Variants in TMEM203 observed in about 807,000 individuals in gnomAD.
TMEM203 encodes the protein HBeAg-binding protein 1.
In TMEM203, 4 loss-of-function variants were observed where a neutral mutation model predicts 7.9. That is an observed-to-expected ratio of 0.51 (90% confidence interval 0.25 to 1.16). The LOEUF is 1.16. Among genes scored for constraint, TMEM203 ranks in the 50% most tolerant of loss-of-function variants. TMEM203 has a pLI of 0.15. For synonymous variants in TMEM203, 92 were observed against 82.5 expected, an observed-to-expected ratio of 1.11 and a Z score of -0.62; for missense variants, 127 against 174.4, an observed-to-expected ratio of 0.73 and a Z score of 1.53.
Position 137,205,512 on chromosome 9 carries a change from C to A in TMEM203, c.-98G>T. The A allele has an allele frequency of 7.7e-7, 1 of 1,290,800 alleles. No individual in the cohort carries two copies. Among genetic ancestry groups the A allele is most frequent in the Non-Finnish European group, 1.0e-6 (1 of 1,004,620 alleles). 80.0% of individuals were successfully genotyped at this position (1,290,800 alleles called of 1,614,324 possible). A position where few individuals can be genotyped will look rare whatever the true frequency, so the allele number is the denominator to read the frequency against. ...CCCTCGCCCGCGCCTGCCGCCGCTG[C>A]TGCGAGCGAGAGGCAGCGAGCGGCC... On this transcript the variant is annotated 5_prime_UTR_variant, in exon 1 of 1. Coordinates refer to ENST00000343666, the MANE Select transcript of TMEM203 (RefSeq NM_053045.2).
Position 137,205,490 on chromosome 9 carries a change from TCGCCCG to T in TMEM203, c.-82_-77del. On this transcript the variant is annotated 5_prime_UTR_variant, in exon 1 of 1. Coordinates refer to ENST00000343666, the MANE Select transcript of TMEM203 (RefSeq NM_053045.2). ...GCTGCGTCTCCTCTCCCCGTGGCCC[TCGCCCG>T]CGCCTGCCGCCGCTGCTGCGAGCGA... 1 of 1,322,276 alleles carries T rather than the reference TCGCCCG, an allele frequency of 7.6e-7. No individual in the cohort carries two copies. Among genetic ancestry groups the T allele is most frequent in the Non-Finnish European group, 9.7e-7 (1 of 1,033,080 alleles). 81.9% of individuals were successfully genotyped at this position (1,322,276 alleles called of 1,614,324 possible).
rs559359212 is a variant in TMEM203, at chr9:137,205,422, G to A, written c.-8C>T. The A allele has an allele frequency of 5.8e-6, 9 of 1,544,822 alleles. No homozygotes were observed. The South Asian group carries it at 8.2e-5, about 14-fold the overall frequency. ...CCGGAGCGAGAAGAGCATCGCGCCCGTTGAGCGCGGGCCGGGGCCCGGCCG... is the reference window on the plus strand; with the variant it reads ...CCGGAGCGAGAAGAGCATCGCGCCCATTGAGCGCGGGCCGGGGCCCGGCCG... On this transcript the variant is annotated 5_prime_UTR_variant, in exon 1 of 1. It adds an upstream start codon to the 5' untranslated region. Coordinates refer to ENST00000343666, the MANE Select transcript of TMEM203 (RefSeq NM_053045.2).
At position 137,205,060 on chromosome 9, in the gene TMEM203, A is replaced by G. The variant is rs1471241578; in HGVS notation, c.355T>C (p.Ser119Pro). ...AGCTGCAGGAGAATGAAGAGCGGGG[A>G]CGTAATGAGGCCGAACCAGAGCTCC... The part of the protein sequence containing the change: ...TRELWFGLIT[S>P]PLFILLQLLM... Residue 119 changes from serine (S) to proline (P), a missense_variant, in exon 1 of 1, where the codon TCC (serine) becomes CCC (proline). Ser to Pro is a moderately conservative substitution (Grantham distance 74, BLOSUM62 -1). Transcript: ENST00000343666. 6.2e-7 allele frequency: 1 copy of G among 1,612,834 alleles called. No homozygotes were observed. Among genetic ancestry groups the G allele is most frequent in the East Asian group, 2.2e-5 (1 of 44,882 alleles).
Position 137,204,942 on chromosome 9 carries a change from G to T in TMEM203, c.*62C>A. The T allele has an allele frequency of 1.3e-6, 2 of 1,538,330 alleles. No homozygotes were observed. Among genetic ancestry groups the T allele is most frequent in the Non-Finnish European group, 1.8e-6 (2 of 1,140,280 alleles). On this transcript the variant is annotated 3_prime_UTR_variant, in exon 1 of 1. Coordinates refer to ENST00000343666, the MANE Select transcript of TMEM203 (RefSeq NM_053045.2). The stretch of plus-strand genomic sequence containing the variant: ...CTCTCCTCCGGTGCGCTGCAAGTAG[G>T]GCCTCGGCTCGAGGTCAACATTCTA...
Position 137,205,574 on chromosome 9 carries a change from A to AT in TMEM203, c.-161dup. 8.4e-7 allele frequency: 1 copy of AT among 1,190,994 alleles called. No homozygotes were observed. Among genetic ancestry groups the AT allele is most frequent in the Non-Finnish European group, 1.1e-6 (1 of 894,444 alleles). The allele number at this position is 1,190,994 out of a possible 1,614,324, so 73.8% of individuals were successfully genotyped here. A position where few individuals can be genotyped will look rare whatever the true frequency, so the allele number is the denominator to read the frequency against. On this transcript the variant is annotated 5_prime_UTR_variant, in exon 1 of 1. Transcript: ENST00000343666. ...AGCCCTCGGCCCTGATGCGCCGGCA[A>AT]TCCCCCGGCCCCGACCCGGGACTCA...
Position 137,205,514 on chromosome 9 carries a change from G to T in TMEM203, c.-100C>A. On this transcript the variant is annotated 5_prime_UTR_variant, in exon 1 of 1. Transcript: ENST00000343666. ...CTCGCCCGCGCCTGCCGCCGCTGCT[G>T]CGAGCGAGAGGCAGCGAGCGGCCCC... 1.6e-6 allele frequency: 2 copies of T among 1,274,064 alleles called. No homozygotes were observed. Among genetic ancestry groups the T allele is most frequent in the Non-Finnish European group, 2.0e-6 (2 of 990,526 alleles). 78.9% of individuals were successfully genotyped at this position (1,274,064 alleles called of 1,614,324 possible). A position where few individuals can be genotyped will look rare whatever the true frequency, so the allele number is the denominator to read the frequency against.
At position 137,204,923 on chromosome 9, in the gene TMEM203, T is replaced by G; in HGVS notation, c.*81A>C. On this transcript the variant is annotated 3_prime_UTR_variant, in exon 1 of 1. Transcript: ENST00000343666. ...TGCCTTCAGACTAGAGAGCCTCTCC[T>G]CCGGTGCGCTGCAAGTAGGGCCTCG... is the stretch of plus-strand genomic sequence containing the variant. 2 of 1,508,170 alleles carry G rather than the reference T, an allele frequency of 1.3e-6. No individual in the cohort carries two copies. The highest frequency in any genetic ancestry group is 1.8e-6 in the Non-Finnish European group (2 of 1,125,916). The allele number at this position is 1,508,170 out of a possible 1,614,324, so 93.4% of individuals were successfully genotyped here. A position where few individuals can be genotyped will look rare whatever the true frequency, so the allele number is the denominator to read the frequency against.
At position 137,205,367 on chromosome 9, in the gene TMEM203, G is replaced by A. The variant is rs1263983678; in HGVS notation, c.48C>T (p.Thr16=). 3 of 1,604,228 alleles carry A rather than the reference G, an allele frequency of 1.9e-6. No homozygotes were observed. Among genetic ancestry groups the A allele is most frequent in the African/African-American group, 1.3e-5 (1 of 74,838 alleles). The part of the protein sequence containing the change: ...RELVQWLGFA[T]FEIFVHLLAL... ...CCAGCAGGTGCACGAAGATCTCGAA[G>A]GTGGCGAAGCCTAGCCACTGCACCA... The change falls in exon 1 of 1, where the codon ACC becomes ACT. Residue 16 remains threonine (T), a synonymous_variant. Transcript: ENST00000343666.
rs1178632981 is a variant in TMEM203 at position 137,205,175 on chromosome 9, C to T, written c.240G>A (p.Ala80=). ...RLFQDGEKRL[A]VLRLFWVLTV... ...TAAGTACCCAGAAAAGGCGGAGCAC[C>T]GCCAGCCGCTTCTCTCCATCCTGGA... Residue 80 remains alanine (A), a synonymous_variant, in exon 1 of 1, where the codon GCG becomes GCA. Coordinates refer to ENST00000343666, the MANE Select transcript of TMEM203 (RefSeq NM_053045.2). 18 of 1,612,592 alleles carry T rather than the reference C, an allele frequency of 1.1e-5. No homozygotes were observed. Among genetic ancestry groups the T allele is most frequent in the Non-Finnish European group, 1.4e-5 (17 of 1,179,928 alleles).
Position 137,205,111 on chromosome 9 carries a change from A to C in TMEM203, c.304T>G (p.Cys102Gly). 2 of 1,613,012 alleles carry C rather than the reference A, an allele frequency of 1.2e-6. No homozygotes were observed. Residue 102 changes from cysteine to glycine, a missense_variant, in exon 1 of 1, where the codon TGC (cysteine) becomes GGC (glycine). Physicochemically the swap from Cys to Gly is radical, Grantham distance 159 (BLOSUM62 -3). Coordinates refer to ENST00000343666, the MANE Select transcript of TMEM203 (RefSeq NM_053045.2). ...CGAGTCTGCTCCGCCAGCTTCTGGCACAACAGCATCTCGAAGACGAACTTG... is the reference window on the plus strand; with the variant it reads ...CGAGTCTGCTCCGCCAGCTTCTGGCCCAACAGCATCTCGAAGACGAACTTG... ...SLKFVFEMLL[C>G]QKLAEQTREL...
In TMEM203 at chr9:137,205,647, A is replaced by G; in HGVS notation, c.-233T>C. ...CGCCTCGATCGGACGCCATGCCCCC[A>G]CAGGGCGCGTCCCTAGTGCGTCACT... On this transcript the variant is annotated 5_prime_UTR_variant, in exon 1 of 1. Transcript: ENST00000343666. 6.8e-7 allele frequency: 1 copy of G among 1,469,184 alleles called. No individual in the cohort carries two copies. The highest frequency in any genetic ancestry group is 9.3e-7 in the Non-Finnish European group (1 of 1,078,996). The allele number at this position is 1,469,184 out of a possible 1,614,324, so 91.0% of individuals were successfully genotyped here. A position where few individuals can be genotyped will look rare whatever the true frequency, so the allele number is the denominator to read the frequency against.
Position 137,204,822 on chromosome 9 carries a change from A to T in TMEM203, c.*182T>A. 2 of 742,496 alleles carry T rather than the reference A, an allele frequency of 2.7e-6. No individual in the cohort carries two copies. Among genetic ancestry groups the T allele is most frequent in the Non-Finnish European group, 4.3e-6 (2 of 470,362 alleles). The allele number at this position is 742,496 out of a possible 1,614,324, so 46.0% of individuals were successfully genotyped here. A position where few individuals can be genotyped will look rare whatever the true frequency, so the allele number is the denominator to read the frequency against. On this transcript the variant is annotated 3_prime_UTR_variant, in exon 1 of 1. Transcript: ENST00000343666. ...TTTTCAGGATGAAGGCTGCTCTTTT[A>T]AGCCCTGCTGAAGAAACCATTTCAA...
At position 137,205,169 on chromosome 9, in the gene TMEM203, G is replaced by T. The variant is rs766671702; in HGVS notation, c.246C>A (p.Leu82=). ...FQDGEKRLAV[L]RLFWVLTVLS... is the part of the protein sequence containing the mutation. ...GGACCGTAAGTACCCAGAAAAGGCG[G>T]AGCACCGCCAGCCGCTTCTCTCCAT... Residue 82 remains leucine (L), a synonymous_variant, in exon 1 of 1, where the codon CTC becomes CTA. Transcript: ENST00000343666. 1 of 1,612,560 alleles carries T rather than the reference G, an allele frequency of 6.2e-7. No homozygotes were observed. Among genetic ancestry groups the T allele is most frequent in the South Asian group, 1.1e-5 (1 of 91,072 alleles).
chr9:137,205,561 T>A lies in TMEM203; in HGVS notation c.-147A>T. 8.2e-7 allele frequency: 1 copy of A among 1,219,988 alleles called. No individual in the cohort carries two copies. Among genetic ancestry groups the A allele is most frequent in the Non-Finnish European group, 1.1e-6 (1 of 921,358 alleles). The allele number at this position is 1,219,988 out of a possible 1,614,324, so 75.6% of individuals were successfully genotyped here. ...CCCCGCCAGCCCCAGCCCTCGGCCC[T>A]GATGCGCCGGCAATCCCCCGGCCCC... is the stretch of plus-strand genomic sequence containing the variant. On this transcript the variant is annotated 5_prime_UTR_variant, in exon 1 of 1. Coordinates refer to ENST00000343666, the MANE Select transcript of TMEM203 (RefSeq NM_053045.2).
Position 137,205,243 on chromosome 9 carries a change from C to A in TMEM203, c.172G>T (p.Gly58Trp), listed in dbSNP as rs11545809. The A allele has an allele frequency of 6.2e-7, 1 of 1,611,640 alleles. No homozygotes were observed. Among genetic ancestry groups the A allele is most frequent in the Non-Finnish European group, 8.5e-7 (1 of 1,179,364 alleles). Residue 58 changes from glycine to tryptophan, a missense_variant, in exon 1 of 1, where the codon GGG becomes TGG. By Grantham distance (184) the Gly-to-Trp change is radical (BLOSUM62 -2). Transcript: ENST00000343666. ...ATGGTGGTGAAGTAGGTGCTGAGCC[C>A]GTCAGCGGCGAAGAAAGGCACGAAC... Reference protein sequence around the residue: ...NVFVPFFAADGLSTYFTTIVS... With the variant: ...NVFVPFFAADWLSTYFTTIVS...
Position 137,204,188 on chromosome 9 carries a change from C to T in TMEM203, c.*816G>A, listed in dbSNP as rs2131358319. ...CGTAGGCCAACAAAGATGGGCCACT[C>T]ACAAGCTTCCCATTTGTAGATCTCA... On this transcript the variant is annotated 3_prime_UTR_variant, in exon 1 of 1. Coordinates refer to ENST00000343666, the MANE Select transcript of TMEM203 (RefSeq NM_053045.2). 1 of 152,360 alleles carries T rather than the reference C, an allele frequency of 6.6e-6. No homozygotes were observed. The highest frequency in any genetic ancestry group is 2.1e-4 in the South Asian group (1 of 4,828). The allele number at this position is 152,360 out of a possible 1,614,324, so 9.4% of individuals were successfully genotyped here. A position where few individuals can be genotyped will look rare whatever the true frequency, so the allele number is the denominator to read the frequency against.
chr9:137,204,935 C>A lies in TMEM203; in HGVS notation c.*69G>T. ...AGAGAGCCTCTCCTCCGGTGCGCTG[C>A]AAGTAGGGCCTCGGCTCGAGGTCAA... On this transcript the variant is annotated 3_prime_UTR_variant, in exon 1 of 1. Coordinates refer to ENST00000343666, the MANE Select transcript of TMEM203 (RefSeq NM_053045.2). 1 of 1,529,354 alleles carries A rather than the reference C, an allele frequency of 6.5e-7. No homozygotes were observed. Among genetic ancestry groups the A allele is most frequent in the Non-Finnish European group, 8.8e-7 (1 of 1,136,422 alleles). The allele number at this position is 1,529,354 out of a possible 1,614,324, so 94.7% of individuals were successfully genotyped here.
rs1588783215 is a variant in TMEM203, at chr9:137,205,566, C to G, written c.-152G>C. 1 of 1,197,334 alleles carries G rather than the reference C, an allele frequency of 8.4e-7. No homozygotes were observed. The highest frequency in any genetic ancestry group is 1.1e-6 in the Non-Finnish European group (1 of 900,498). The allele number at this position is 1,197,334 out of a possible 1,614,324, so 74.2% of individuals were successfully genotyped here. A position where few individuals can be genotyped will look rare whatever the true frequency, so the allele number is the denominator to read the frequency against. On this transcript the variant is annotated 5_prime_UTR_variant, in exon 1 of 1. Transcript: ENST00000343666. ...CCAGCCCCAGCCCTCGGCCCTGATG[C>G]GCCGGCAATCCCCCGGCCCCGACCC... is the stretch of plus-strand genomic sequence containing the variant.
rs1372669097 is a variant in TMEM203 at position 137,205,524 on chromosome 9, G to A, written c.-110C>T. 8.0e-7 allele frequency: 1 copy of A among 1,242,946 alleles called. No homozygotes were observed. Among genetic ancestry groups the A allele is most frequent in the Non-Finnish European group, 1.0e-6 (1 of 964,504 alleles). The allele number at this position is 1,242,946 out of a possible 1,614,324, so 77.0% of individuals were successfully genotyped here. A position where few individuals can be genotyped will look rare whatever the true frequency, so the allele number is the denominator to read the frequency against. ...CCTGCCGCCGCTGCTGCGAGCGAGAGGCAGCGAGCGGCCCCGCCAGCCCCA... is the reference window on the plus strand; with the variant it reads ...CCTGCCGCCGCTGCTGCGAGCGAGAAGCAGCGAGCGGCCCCGCCAGCCCCA... On this transcript the variant is annotated 5_prime_UTR_variant, in exon 1 of 1. Transcript: ENST00000343666.
Sources: gnomAD v4.1 joint callset for allele counts on GRCh38, gnomAD v4.1.1 for gene constraint, MANE v1.5 for transcripts, NCBI Gene and HGNC (gene_info 2026-07-23, HGNC 2026-07-21) for gene names.